CCDC187: variants seen among roughly 807,000 people sequenced by gnomAD.
CCDC187 encodes the protein coiled-coil domain containing 187.
CCDC187 carries 32 observed loss-of-function variants against 38.0 expected under a neutral mutation model. The ratio of observed to expected loss-of-function variants is 0.84; its 90% CI spans 0.64 to 1.13. CCDC187 has a LOEUF of 1.13. Ranked by LOEUF, CCDC187 falls within the 50% of genes most tolerant of loss-of-function variation. The pLI, the probability that CCDC187 is intolerant of heterozygous loss-of-function variation, is 0.00. For synonymous variants in CCDC187, 333 were observed against 347.9 expected (o/e 0.96, Z 0.48); for missense variants, 707 against 786.8 (o/e 0.90, Z 1.21).
rs1329088956 is a variant in CCDC187, at chr9:136,293,151, A to G, written c.833-856T>C. 1.5e-4 allele frequency among the ~76,000 whole-genome samples: 19 copies of G among 126,548 alleles called. No individual in the cohort carries two copies. The South Asian group carries it at 4.2e-3, about 28-fold the overall frequency. The allele number at this position is 126,548 out of a possible 152,430, so 83.0% of individuals were successfully genotyped here. ...CACTCACATGCTCACACACTCACAA[A>G]CACATGCTCACACACTCACATGCTC... On this transcript the variant is annotated intron_variant, in intron 4 of 25. Coordinates refer to ENST00000638797, the MANE Select transcript of CCDC187 (RefSeq NM_001378188.1).
chr9:136,290,699 G>A lies in CCDC187; in HGVS notation c.1914C>T (p.Ser638=). The A allele has an allele frequency of 5.0e-6, 2 of 398,590 alleles. No individual in the cohort carries two copies. Among genetic ancestry groups the A allele is most frequent in the Non-Finnish European group, 8.8e-6 (2 of 226,042 alleles). The allele number at this position is 398,590 out of a possible 1,614,324, so 24.7% of individuals were successfully genotyped here. ...GLLGPSHSSE[S]LREFMRQKAQ... ...CCTTCTGGCGCATGAACTCCCGCAAGGACTCAGAGCTGTGCGAGGGTCCCA... is the reference window on the plus strand; with the variant it reads ...CCTTCTGGCGCATGAACTCCCGCAAAGACTCAGAGCTGTGCGAGGGTCCCA... The change falls in exon 6 of 26, where the codon TCC becomes TCT. Residue 638 remains serine, a synonymous_variant. Transcript: ENST00000638797.
chr9:136,259,104 G>A (rs1830649703), intron 21 of CCDC187, 103 bp from the exon 22 acceptor site: 1 of 902,912 alleles, frequency 1.1e-6, no homozygotes, highest in South Asian at 5.1e-5. Flanking sequence ...GGACAGACTG[G>A]GGTGGATGGG....
Position 136,290,673 on chromosome 9 carries a change from G to A in CCDC187, c.1940C>T (p.Ala647Val), listed in dbSNP as rs1055911967. 7.0e-5 allele frequency: 28 copies of A among 398,534 alleles called. No individual in the cohort carries two copies. Among genetic ancestry groups the A allele is most frequent in the African/African-American group, 1.8e-4 (9 of 48,732 alleles). The allele number at this position is 398,534 out of a possible 1,614,324, so 24.7% of individuals were successfully genotyped here. Reference sequence around the variant, plus strand: ...CAGGGCCTGCCGCCGCCGGGCCTGCGCCTTCTGGCGCATGAACTCCCGCAA... The same window carrying A: ...CAGGGCCTGCCGCCGCCGGGCCTGCACCTTCTGGCGCATGAACTCCCGCAA... ...ESLREFMRQKAQARRRQALEE... is the reference protein window; with the variant it reads ...ESLREFMRQKVQARRRQALEE... The change falls in exon 6 of 26, where the codon GCG becomes GTG. Residue 647 changes from alanine (A) to valine (V), a missense_variant. Physicochemically the swap from Ala to Val is moderately conservative, Grantham distance 64. Transcript: ENST00000638797.
chr9:136,306,419 C>T (rs1030973084), upstream of CCDC187, among the ~76,000 whole-genome samples: 4 of 152,304 alleles, frequency 2.6e-5, no homozygotes, highest in East Asian at 1.9e-4. Flanking sequence ...CCTGGGGGGA[C>T]GGTCCCCTGG....
chr9:136,267,533 G>A (rs1588654447), intron 15 of CCDC187, 22 bp from the exon 16 acceptor site: 5 of 985,708 alleles, frequency 5.1e-6, no homozygotes, highest in Non-Finnish European at 6.0e-6. Flanking sequence ...AGCGGCCCAA[G>A]GCCCCTAAAG....
rs781972574 is a variant in CCDC187 at position 136,250,772 on chromosome 9, C to T, written c.*2822G>A. 4.6e-5 allele frequency: 21 copies of T among 456,230 alleles called. No homozygotes were observed. The highest frequency in any genetic ancestry group is 3.1e-4 in the South Asian group (20 of 64,568). The allele number at this position is 456,230 out of a possible 1,614,324, so 28.3% of individuals were successfully genotyped here. A position where few individuals can be genotyped will look rare whatever the true frequency, so the allele number is the denominator to read the frequency against. On this transcript the variant is annotated 3_prime_UTR_variant, in exon 26 of 26. Transcript: ENST00000638797. ...TCCTGTGCACATGGTGAATGGGGAC[C>T]CTGACACAGGCCGGCCATTGTTAAC...
intron 14 of CCDC187, among the ~76,000 whole-genome samples, chr9:136,272,036 G>A (rs1222613217): frequency 6.6e-5 from 10 of 152,170 alleles, no homozygotes; most frequent in Non-Finnish European, 7.3e-5. Context: ...TCAAAGTACT[G>A]AAAGGGAAAA....
chr9:136,278,330 G>A lies in CCDC187; in HGVS notation c.3041-1603C>T, dbSNP rs949294384. Among the ~76,000 whole-genome samples the A allele has an allele frequency of 3.0e-3, 463 of 152,242 alleles. 3 individuals carry two copies. Among genetic ancestry groups the A allele is most frequent in the African/African-American group, 0.01 (433 of 41,534 alleles). On this transcript the variant is annotated intron_variant, in intron 10 of 25. Coordinates refer to ENST00000638797, the MANE Select transcript of CCDC187 (RefSeq NM_001378188.1). ...AGGAGGGGGAGTCCTGGTCATCACC[G>A]GCCATGTCAGCACCCAACAGATCAG... is the stretch of plus-strand genomic sequence containing the variant.
At chr9:136,283,921 G>A (rs1831108210) in intron 9 of CCDC187, among the ~76,000 whole-genome samples, 1 of 152,182 alleles carries the variant, frequency 6.6e-6, no homozygotes, top group Non-Finnish European at 1.5e-5. Flanking sequence ...GGTCACAATG[G>A]CTCAGTTCCA....
At chr9:136,278,389 A>G (rs937648291) in intron 10 of CCDC187, among the ~76,000 whole-genome samples, 3,822 of 152,148 alleles carry the variant, frequency 0.025, 165 homozygotes, top group African/African-American at 0.087. Context: ...TTTGTTCCTG[A>G]GCTCTGAGCT....
Position 136,254,823 on chromosome 9 carries a change from A to G in CCDC187, c.5005T>C (p.Ser1669Pro). The stretch of plus-strand genomic sequence containing the variant: ...GCTTCCCCCGAGGAGTGTCGGGCAG[A>G]GAGCTCTCCAGGCCAGCTGAAACCT... ...DEGFSWPGEL[S>P]ARHSSGEAGL... Residue 1669 changes from serine (S) to proline (P), a missense_variant, in exon 26 of 26, where the codon TCT (serine) becomes CCT (proline). Physicochemically the swap from Ser to Pro is moderately conservative, Grantham distance 74. Coordinates refer to ENST00000638797, the MANE Select transcript of CCDC187 (RefSeq NM_001378188.1). The G allele has an allele frequency of 6.1e-6, 6 of 985,484 alleles. No homozygotes were observed. Among genetic ancestry groups the G allele is most frequent in the Non-Finnish European group, 7.2e-6 (6 of 829,984 alleles). The allele number at this position is 985,484 out of a possible 1,614,324, so 61.0% of individuals were successfully genotyped here.
intron 7 of CCDC187, among the ~76,000 whole-genome samples, chr9:136,287,827 T>G (rs1348765792): frequency 6.6e-6 from 1 of 151,984 alleles, no homozygotes; most frequent in Non-Finnish European, 1.5e-5. Flanking sequence ...AGAGTTAGTG[T>G]TTCATGGGGA....
In CCDC187 at chr9:136,257,922, G is replaced by A. The variant is rs565855589; in HGVS notation, c.4366+1010C>T. Among the ~76,000 whole-genome samples the A allele has an allele frequency of 7.4e-4, 113 of 152,346 alleles. No individual in the cohort carries two copies. Among genetic ancestry groups the A allele is most frequent in the African/African-American group, 2.4e-3 (99 of 41,594 alleles). On this transcript the variant is annotated intron_variant, in intron 22 of 25. Coordinates refer to ENST00000638797, the MANE Select transcript of CCDC187 (RefSeq NM_001378188.1). This position sits in a 1 kb window ranked among gnomAD's most constrained non-coding sequence, Gnocchi z 4.5. ...AACCCTAGACCACGTGAGAACATAA[G>A]TCAGGCCTCAGGCTCCTCCTCTGCT... is the stretch of plus-strand genomic sequence containing the variant.
At position 136,290,633 on chromosome 9, in the gene CCDC187, C is replaced by G. The variant is rs946017060; in HGVS notation, c.1980G>C (p.Ser660=). ...RRRQALEEKA[S]ALRTRELRSR... ...TCCTCAGCTCCCGTGTGCGCAGGGC[C>G]GAGGCCTTCTCCTCCAGGGCCTGCC... The change falls in exon 6 of 26, where the codon TCG becomes TCC. Residue 660 remains serine, a synonymous_variant. Coordinates refer to ENST00000638797, the MANE Select transcript of CCDC187 (RefSeq NM_001378188.1). 14 of 398,592 alleles carry G rather than the reference C, an allele frequency of 3.5e-5. No individual in the cohort carries two copies. The highest frequency in any genetic ancestry group is 5.3e-5 in the Non-Finnish European group (12 of 226,054). 24.7% of individuals were successfully genotyped at this position (398,592 alleles called of 1,614,324 possible). A position where few individuals can be genotyped will look rare whatever the true frequency, so the allele number is the denominator to read the frequency against.
At chr9:136,279,952 T>C (rs1400928760) in intron 10 of CCDC187, among the ~76,000 whole-genome samples, 2 of 152,344 alleles carry the variant, frequency 1.3e-5, no homozygotes, top group Admixed American at 1.3e-4. Flanking sequence ...CCTCTCTGTG[T>C]TGATGCAGCA....
intron 14 of CCDC187, among the ~76,000 whole-genome samples, chr9:136,273,020 T>C (rs1830866458): frequency 6.6e-6 from 1 of 152,092 alleles, no homozygotes; most frequent in East Asian, 1.9e-4. Context: ...ATAATAAGAG[T>C]TATAGCTCCT....
rs911752615 is a variant in CCDC187, at chr9:136,300,217, C to T, written c.724+3G>A. 1.4e-4 allele frequency: 54 copies of T among 398,564 alleles called. No homozygotes were observed. Among genetic ancestry groups the T allele is most frequent in the Non-Finnish European group, 1.9e-4 (43 of 226,110 alleles). 24.7% of individuals were successfully genotyped at this position (398,564 alleles called of 1,614,324 possible). On this transcript the variant is annotated splice_donor_region_variant and intron_variant, in intron 3 of 25. Coordinates refer to ENST00000638797, the MANE Select transcript of CCDC187 (RefSeq NM_001378188.1). ...CCAGGGCAGCCGCCGCAGAGCCGCT[C>T]ACCAGGAACCTGGTGCTGGGAGACC...
intron 14 of CCDC187, among the ~76,000 whole-genome samples, chr9:136,269,878 G>T (rs1554762144): frequency 6.6e-6 from 1 of 152,138 alleles, no homozygotes; most frequent in Non-Finnish European, 1.5e-5. Flanking sequence ...GTTAAGTAGA[G>T]CCACAGAGGA....
chr9:136,278,381 T>C (rs1244557743), intron 10 of CCDC187, among the ~76,000 whole-genome samples: 1 of 152,174 alleles, frequency 6.6e-6, no homozygotes, highest in African/African-American at 2.4e-5. Context: ...ATGAGCTGTT[T>C]GTTCCTGAGC....
Sources: allele counts gnomAD v4.1 joint callset (sites outside exome capture counted in the v4.1 genomes callset), GRCh38; gene constraint gnomAD v4.1.1; non-coding constraint Gnocchi (gnomAD v3.1); transcripts MANE v1.5; gene names NCBI Gene and HGNC (gene_info 2026-07-23, HGNC 2026-07-21).